Variants in CNNM2 observed in about 807,000 individuals in gnomAD.
The protein encoded by CNNM2 is metal transporter CNNM2.
CNNM2 carries 12 observed loss-of-function variants against 66.9 expected under a neutral mutation model. The ratio of observed to expected loss-of-function variants is 0.18; its 90% CI spans 0.11 to 0.29. CNNM2 has a LOEUF of 0.29. CNNM2 is among the 10% of genes least tolerant of loss of function. The pLI is 1.00. For missense variants in CNNM2, 705 were observed against 1,167.7 expected, an observed-to-expected ratio of 0.60 and a Z score of 5.77; for synonymous variants, 557 against 501.8, an observed-to-expected ratio of 1.11 and a Z score of -1.47.
Position 103,077,029 on chromosome 10 carries a change from A to C in CNNM2, c.2477A>C (p.Gln826Pro), listed in dbSNP as rs1487281040. 15 of 1,613,870 alleles carry C rather than the reference A, an allele frequency of 9.3e-6. No individual in the cohort carries two copies. Among genetic ancestry groups the C allele is most frequent in the Non-Finnish European group, 1.2e-5 (14 of 1,179,894 alleles). ...GCATCCCGGATGGACAAAACCCCCC[A>C]GTCTTCAGACAGTGAAAACACTAAA... ...LMASRMDKTP[Q>P]SSDSENTKIE... The change falls in exon 8 of 8, where the codon CAG becomes CCG. Residue 826 changes from glutamine to proline, a missense_variant. By Grantham distance (76) the Gln-to-Pro change is moderately conservative. This residue lies in a region of CNNM2 where 194 missense variants were observed against 227.6 expected (regional missense o/e 0.85). Transcript: ENST00000369878.
rs185613299 is a variant in CNNM2, at chr10:103,060,577, A to T, written c.2073+3613A>T. Among the ~76,000 whole-genome samples, 23 of 152,338 alleles carry T rather than the reference A, an allele frequency of 1.5e-4. No individual in the cohort carries two copies. In the East Asian group the frequency reaches 4.4e-3, roughly 29 times the overall value. ...AAATAAGATAAATTTAAAAAAAGAAAAGGTCATATATTAAAAAATACTAAG... is the reference window on the plus strand; with the variant it reads ...AAATAAGATAAATTTAAAAAAAGAATAGGTCATATATTAAAAAATACTAAG... On this transcript the variant is annotated intron_variant, in intron 4 of 7. Transcript: ENST00000369878.
rs1190595699 is a variant in CNNM2 at position 103,054,185 on chromosome 10, TCC to T, written c.1766-141_1766-140del. ...GAGGATCTGGCTCTCCCTCCCTCCT[TCC>T]CCGTGGCATCTGTGCATAGAGCGCC... On this transcript the variant is annotated intron_variant, in intron 2 of 7. Coordinates refer to ENST00000369878, the MANE Select transcript of CNNM2 (RefSeq NM_017649.5). The surrounding 1 kb of genome is among the most constrained non-coding windows in gnomAD (Gnocchi z 5.2). 2.3e-6 allele frequency: 2 copies of T among 879,506 alleles called. No individual in the cohort carries two copies. The highest frequency in any genetic ancestry group is 3.5e-6 in the Non-Finnish European group (2 of 578,414). The allele number at this position is 879,506 out of a possible 1,614,324, so 54.5% of individuals were successfully genotyped here. A position where few individuals can be genotyped will look rare whatever the true frequency, so the allele number is the denominator to read the frequency against.
chr10:103,059,435 C>G (rs890867683), intron 4 of CNNM2, among the ~76,000 whole-genome samples: 4 of 152,062 alleles, frequency 2.6e-5, no homozygotes, highest in Non-Finnish European at 5.9e-5. Flanking sequence ...TTAGTTGAAG[C>G]CCTAGATAAG....
Position 103,041,197 on chromosome 10 carries a change from C to T in CNNM2, c.1622-8510C>T, listed in dbSNP as rs74386455. On this transcript the variant is annotated intron_variant, in intron 1 of 7. Transcript: ENST00000369878. ...TCTCCAGCCCCGTCTTCCGCCTCAC[C>T]CACCCCTGTAGCTGTTGTCAACACC... 0.014 allele frequency among the ~76,000 whole-genome samples: 2,083 copies of T among 152,264 alleles called. 27 individuals carry two copies. Among genetic ancestry groups the T allele is most frequent in the Non-Finnish European group, 0.021 (1,461 of 68,018 alleles).
At chr10:103,073,891 AAAAGAAT>A (rs1268551431) in intron 6 of CNNM2, among the ~76,000 whole-genome samples, 1 of 150,846 alleles carries the variant, frequency 6.6e-6, no homozygotes, top group Non-Finnish European at 1.5e-5. Context: ...AAAAAAAAAA[AAAAGAAT>A]AGAAAATGCC....
intron 1 of CNNM2, among the ~76,000 whole-genome samples, chr10:103,031,311 G>C (rs2064815054): frequency 6.6e-6 from 1 of 152,064 alleles, no homozygotes; most frequent in African/African-American, 2.4e-5. Flanking sequence ...ATGTTGGAGT[G>C]GTCCCAAGCA....
At chr10:103,060,309 C>A (rs554408659) in intron 4 of CNNM2, among the ~76,000 whole-genome samples, 1 of 152,190 alleles carries the variant, frequency 6.6e-6, no homozygotes, top group African/African-American at 2.4e-5. Flanking sequence ...CGCCTGTAAT[C>A]CCAGAACTTT....
In CNNM2 at chr10:102,973,136, GT is replaced by G. The variant is rs56922284; in HGVS notation, c.1621+53046del. Among the ~76,000 whole-genome samples, 4,069 of 146,828 alleles carry G rather than the reference GT, an allele frequency of 0.028. 159 individuals are homozygous for G. The highest frequency in any genetic ancestry group is 0.093 in the African/African-American group (3,755 of 40,442). On this transcript the variant is annotated intron_variant, in intron 1 of 7. Transcript: ENST00000369878. ...TTTGTATCTAAAGTACATCAGTACG[GT>G]TTTTTTTTTTCCATACTGGCCTTCA...
intron 1 of CNNM2, among the ~76,000 whole-genome samples, chr10:103,007,195 C>T (rs748832061): frequency 3.9e-5 from 6 of 152,062 alleles, no homozygotes; most frequent in Non-Finnish European, 4.4e-5. Context: ...AGGGCCTGTA[C>T]GAACAGGGAG....
intron 1 of CNNM2, among the ~76,000 whole-genome samples, chr10:102,933,319 A>G (rs1390580107): frequency 6.6e-6 from 1 of 152,202 alleles, no homozygotes; most frequent in African/African-American, 2.4e-5. Flanking sequence ...AACGTTTTGT[A>G]GTTTTCAGTG....
chr10:102,982,181 C>T (rs1349832643), intron 1 of CNNM2, among the ~76,000 whole-genome samples: 1 of 152,074 alleles, frequency 6.6e-6, no homozygotes, highest in East Asian at 1.9e-4. Context: ...GTGTTCTTTG[C>T]CTTTTTATAT....
At position 103,039,454 on chromosome 10, in the gene CNNM2, C is replaced by T. The variant is rs138707279; in HGVS notation, c.1622-10253C>T. Among the ~76,000 whole-genome samples the T allele has an allele frequency of 1.1e-3, 167 of 152,194 alleles. 1 individual carries two copies. Among genetic ancestry groups the T allele is most frequent in the African/African-American group, 3.8e-3 (158 of 41,538 alleles). On this transcript the variant is annotated intron_variant, in intron 1 of 7. Coordinates refer to ENST00000369878, the MANE Select transcript of CNNM2 (RefSeq NM_017649.5). Reference sequence around the variant, plus strand: ...GCCTGGCCTCTAATACTAGGTTGATCTCCACAGTAGTCCGAAGACTTGCAA... The same window carrying T: ...GCCTGGCCTCTAATACTAGGTTGATTTCCACAGTAGTCCGAAGACTTGCAA...
At position 103,089,693 on chromosome 10, in the gene CNNM2, CTCTTCATCATCA is replaced by C. The variant is rs780524664; in HGVS notation, c.*12519_*12530del. 6.2e-7 allele frequency: 1 copy of C among 1,607,900 alleles called. No homozygotes were observed. The highest frequency in any genetic ancestry group is 1.3e-5 in the African/African-American group (1 of 74,776). The stretch of plus-strand genomic sequence containing the variant: ...CTCCTTATTCTTCCTCCTCCTCCTC[CTCTTCATCATCA>C]TCTTCGTCATGGCAGTGTGTAATTT... On this transcript the variant is annotated 3_prime_UTR_variant, in exon 8 of 8. Coordinates refer to ENST00000369878, the MANE Select transcript of CNNM2 (RefSeq NM_017649.5).
chr10:102,971,609 A>G (rs1564826067), intron 1 of CNNM2, among the ~76,000 whole-genome samples: 1 of 152,092 alleles, frequency 6.6e-6, no homozygotes, highest in Non-Finnish European at 1.5e-5. Context: ...TTTTGTTTTA[A>G]AATGAAGGTT....
chr10:103,034,541 G>A (rs1024935136), intron 1 of CNNM2, among the ~76,000 whole-genome samples: 14 of 152,222 alleles, frequency 9.2e-5, no homozygotes, highest in African/African-American at 3.1e-4. Context: ...TATGACTTTT[G>A]TATAATTACT....
At chr10:103,012,392 T>C (rs1489693402) in intron 1 of CNNM2, among the ~76,000 whole-genome samples, 2 of 152,206 alleles carry the variant, frequency 1.3e-5, no homozygotes, top group Non-Finnish European at 2.9e-5. Context: ...GCGCCTGTAA[T>C]CCCAGCACTT....
rs374445685 is a variant in CNNM2, at chr10:103,077,215, G to A, written c.*35G>A. On this transcript the variant is annotated 3_prime_UTR_variant, in exon 8 of 8. Coordinates refer to ENST00000369878, the MANE Select transcript of CNNM2 (RefSeq NM_017649.5). ...GCTGCACCCGCCCAGGCCCGCACCC[G>A]CCCAGTCCCGAGGGCCCGGCCCTGT... 47 of 1,590,394 alleles carry A rather than the reference G, an allele frequency of 3.0e-5. No homozygotes were observed. Among genetic ancestry groups the A allele is most frequent in the Admixed American group, 1.0e-4 (6 of 59,770 alleles).
At chr10:102,971,747 G>A (rs1315663961) in intron 1 of CNNM2, among the ~76,000 whole-genome samples, 2 of 152,146 alleles carry the variant, frequency 1.3e-5, no homozygotes, top group East Asian at 3.9e-4. Flanking sequence ...TGAAGTTTAA[G>A]GTTTTTGCTT....
intron 1 of CNNM2, among the ~76,000 whole-genome samples, chr10:102,949,293 A>G (rs139567012): frequency 1.7e-3 from 254 of 152,172 alleles, no homozygotes; most frequent in African/African-American, 5.8e-3. Flanking sequence ...CTCCTGCCTC[A>G]GCCTCCTGAG....
Sources: gnomAD v4.1 joint callset for allele counts (sites outside exome capture counted in the v4.1 genomes callset) on GRCh38, gnomAD v4.1.1 for gene constraint, gnomAD v4.1.1 regional missense constraint, Gnocchi (gnomAD v3.1) non-coding constraint, MANE v1.5 for transcripts, NCBI Gene and HGNC (gene_info 2026-07-23, HGNC 2026-07-21) for gene names.